The following LDHD variants were observed in gnomAD, a reference collection of about 807,000 sequenced individuals.
The protein encoded by LDHD is lactate dehydrogenase D.
In LDHD, 58 loss-of-function variants were observed where a neutral mutation model predicts 52.9. The observed-to-expected ratio is 1.10, with a 90% CI of 0.89 to 1.36. The LOEUF is 1.36. Among genes scored for constraint, LDHD ranks in the 40% most tolerant of loss-of-function variants. LDHD has a pLI of 0.00. For missense variants in LDHD, 747 were observed against 668.0 expected (o/e 1.12, Z -1.30); for synonymous variants, 350 against 288.6 (o/e 1.21, Z -2.16).
At chr16:75,115,160 G>C (rs771122083) in intron 3 of LDHD, 38 bp downstream of exon 3, 2 of 1,590,198 alleles carry the variant, frequency 1.3e-6, no homozygotes, top group Admixed American at 3.4e-5. Context: ...AGGTGTGCTG[G>C]GACCATCCTC....
chr16:75,115,719 G>A, intron 1 of LDHD, 59 bp from the exon 2 acceptor site: 2 of 1,114,058 alleles, frequency 1.8e-6, no homozygotes, highest in Non-Finnish European at 2.6e-6. Context: ...CCACAGCCCT[G>A]CCCCAGTGTC....
rs992553591 is a variant in LDHD at position 75,112,637 on chromosome 16, C to T, written c.1254G>A (p.Leu418=). Residue 418 remains leucine (L), a synonymous_variant, in exon 10 of 11, where the codon CTG becomes CTA. Coordinates refer to ENST00000450168, the MANE Select transcript of LDHD (RefSeq NM_194436.3). ...LLVNPDDAEE[L]GRVKAFAEQL... The stretch of plus-strand genomic sequence containing the variant: ...GTTCTGCAAAAGCCTTGACCCTGCC[C>T]AGTTCCTCGGCGTCATCAGGGTTGA... The T allele has an allele frequency of 6.2e-6, 10 of 1,614,040 alleles. No individual in the cohort carries two copies. The highest frequency in any genetic ancestry group is 1.6e-4 in the Middle Eastern group (1 of 6,084).
rs747908383 is a variant in LDHD at position 75,113,847 on chromosome 16, C to T, written c.853G>A (p.Asp285Asn). ...AGCTTGCTGTACCTGTTGCAGGCAT[C>T]CATCATGACTTCATCCAGGAACTCT... is the stretch of plus-strand genomic sequence containing the variant. ...RIEFLDEVMM[D>N]ACNRYSKLNC... Residue 285 changes from aspartate to asparagine, a missense_variant, in exon 7 of 11, where the codon GAT (aspartate) becomes AAT (asparagine). By Grantham distance (23) the Asp-to-Asn change is conservative (BLOSUM62 1). Transcript: ENST00000450168. 45 of 1,613,976 alleles carry T rather than the reference C, an allele frequency of 2.8e-5. No individual in the cohort carries two copies. Among genetic ancestry groups the T allele is most frequent in the Non-Finnish European group, 3.6e-5 (42 of 1,180,050 alleles).
chr16:75,113,696 G>A (rs376171901), intron 7 of LDHD, 34 bp from the exon 8 acceptor site: 125 of 1,612,766 alleles, frequency 7.8e-5, no homozygotes, highest in Non-Finnish European at 9.2e-5. Flanking sequence ...ACACCGGGCC[G>A]CCACTGAGGC....
chr16:75,115,645 C>T lies in LDHD; in HGVS notation c.88G>A (p.Asp30Asn), dbSNP rs777650480. Residue 30 changes from aspartate (D) to asparagine (N), a missense_variant, in exon 2 of 11, where the codon GAC (aspartate) becomes AAC (asparagine). Physicochemically the swap from Asp to Asn is conservative, Grantham distance 23. Coordinates refer to ENST00000450168, the MANE Select transcript of LDHD (RefSeq NM_194436.3). ...ACGGCCTTCAGAGCCTCTACGAAGTCCCTGCAGAGCTCTCCCTGCAGGGAA... is the reference window on the plus strand; with the variant it reads ...ACGGCCTTCAGAGCCTCTACGAAGTTCCTGCAGAGCTCTCCCTGCAGGGAA... ...SQKAKGELCRDFVEALKAVVG... is the reference protein window; with the variant it reads ...SQKAKGELCRNFVEALKAVVG... 17 of 1,606,246 alleles carry T rather than the reference C, an allele frequency of 1.1e-5. No individual in the cohort carries two copies. Among genetic ancestry groups the T allele is most frequent in the Non-Finnish European group, 1.4e-5 (17 of 1,175,852 alleles).
intron 1 of LDHD, 87 bp from the exon 2 acceptor site, chr16:75,115,747 C>T: frequency 1.2e-6 from 1 of 820,062 alleles, no homozygotes. Context: ...GGGCTGGGGG[C>T]TGGAGGCTGG....
In LDHD at chr16:75,115,126, G is replaced by A. The variant is rs1597924162; in HGVS notation, c.327+72C>T. 8 of 1,552,924 alleles carry A rather than the reference G, an allele frequency of 5.2e-6. No homozygotes were observed. In the East Asian group the frequency reaches 1.8e-4, roughly 35 times the overall value. ...CAGACCCAAGGTGCCGTGTGTGGCG[G>A]GGGAGGCAGCCACAGGTGTGCCAAG... On this transcript the variant is annotated intron_variant, in intron 3 of 10. Coordinates refer to ENST00000450168, the MANE Select transcript of LDHD (RefSeq NM_194436.3).
chr16:75,114,183 A>G lies in LDHD; in HGVS notation c.630-18T>C. The G allele has an allele frequency of 6.2e-7, 1 of 1,611,060 alleles. No individual in the cohort carries two copies. The highest frequency in any genetic ancestry group is 8.5e-7 in the Non-Finnish European group (1 of 1,179,934). ...CACTCTTCCTACGTCCCAGGGACACACAAGGTGAGTACCAGGCTGTGTGAT... is the reference window on the plus strand; with the variant it reads ...CACTCTTCCTACGTCCCAGGGACACGCAAGGTGAGTACCAGGCTGTGTGAT... On this transcript the variant is annotated intron_variant, in intron 5 of 10. Coordinates refer to ENST00000450168, the MANE Select transcript of LDHD (RefSeq NM_194436.3).
At chr16:75,116,351 G>T (rs2036556732) in intron 1 of LDHD, among the ~76,000 whole-genome samples, 1 of 152,202 alleles carries the variant, frequency 6.6e-6, no homozygotes. Context: ...GCCAAGTTAA[G>T]GACAGAGCCT....
At chr16:75,114,484 T>A in intron 5 of LDHD, 42 bp downstream of exon 5, 1 of 1,456,712 alleles carries the variant, frequency 6.9e-7, no homozygotes, top group South Asian at 1.4e-5. Flanking sequence ...CCGCCAGCAG[T>A]GCCCAGGGCC....
chr16:75,116,741 G>A lies in LDHD; in HGVS notation c.-21C>T. The A allele has an allele frequency of 1.3e-6, 2 of 1,540,670 alleles. No individual in the cohort carries two copies. The highest frequency in any genetic ancestry group is 8.7e-7 in the Non-Finnish European group (1 of 1,143,274). ...GCCATAGCCAGGCACTGGCCAGAGG[G>A]TGTGAGCACTGGGTGGCAGGGTGAC... On this transcript the variant is annotated 5_prime_UTR_variant, in exon 1 of 11. Transcript: ENST00000450168.
rs1360575251 is a variant in LDHD at position 75,112,694 on chromosome 16, C to T, written c.1197G>A (p.Val399=). 4 of 1,614,074 alleles carry T rather than the reference C, an allele frequency of 2.5e-6. No homozygotes were observed. Among genetic ancestry groups the T allele is most frequent in the East Asian group, 2.2e-5 (1 of 44,874 alleles). Reference sequence around the variant, plus strand: ...GGATGCAGTGGAAGTTGCCGTCACCCACATGCCCGACAATGCTTCCTGGGG... The same window carrying T: ...GGATGCAGTGGAAGTTGCCGTCACCTACATGCCCGACAATGCTTCCTGGGG... ...SGLTGSIVGH[V]GDGNFHCILL... The change falls in exon 10 of 11, where the codon GTG becomes GTA. Residue 399 remains valine, a synonymous_variant. Transcript: ENST00000450168.
Position 75,113,095 on chromosome 16 carries a change from C to T in LDHD, c.1087-171G>A, listed in dbSNP as rs74024708. 1.2e-3 allele frequency among the ~76,000 whole-genome samples: 184 copies of T among 152,284 alleles called. 2 individuals are homozygous for T. Among genetic ancestry groups the T allele is most frequent in the African/African-American group, 4.4e-3 (182 of 41,544 alleles). Reference sequence around the variant, plus strand: ...GCCCTCACCTCCCCCCGACACAACACAGGAGACCAATGGCCCAGGTGTGCT... The same window carrying T: ...GCCCTCACCTCCCCCCGACACAACATAGGAGACCAATGGCCCAGGTGTGCT... On this transcript the variant is annotated intron_variant, in intron 8 of 10. Transcript: ENST00000450168.
chr16:75,113,212 T>A (rs923272561), intron 8 of LDHD, among the ~76,000 whole-genome samples: 8 of 152,182 alleles, frequency 5.3e-5, no homozygotes, highest in African/African-American at 1.9e-4. Flanking sequence ...TTCCCCAGGT[T>A]AGGCTAACAT....
chr16:75,112,547 A>G lies in LDHD; in HGVS notation c.1290-26T>C, dbSNP rs1007626572. 3.1e-6 allele frequency: 5 copies of G among 1,613,044 alleles called. No individual in the cohort carries two copies. The South Asian group carries it at 3.3e-5, about 11-fold the overall frequency. On this transcript the variant is annotated intron_variant, in intron 10 of 10. Transcript: ENST00000450168. ...CTGGGGGCAGGAAGGAGACATCCTC[A>G]GGGGGCTCCCTTTCCTCTGCCCTCA...
rs35697608 is a variant in LDHD at position 75,114,681 on chromosome 16, T to C, written c.474A>G (p.Pro158=). ...TGCCACAGAGAGAGGCGTCCGCGCC[T>C]GGGTCTGGAGGGCGGCGTACAGAAG... ...RDSGLWFPVD[P]GADASLCGMA... Residue 158 remains proline, a synonymous_variant, in exon 5 of 11, where the codon CCA becomes CCG. Transcript: ENST00000450168. 1.4e-3 allele frequency: 2,149 copies of C among 1,536,190 alleles called. 27 individuals are homozygous for C. In the African/African-American group the frequency reaches 0.026, roughly 19 times the overall value.
In LDHD at chr16:75,112,519, C is replaced by T. The variant is rs139673012; in HGVS notation, c.1292G>A (p.Arg431Gln). 44 of 1,613,086 alleles carry T rather than the reference C, an allele frequency of 2.7e-5. No individual in the cohort carries two copies. Among genetic ancestry groups the T allele is most frequent in the East Asian group, 2.7e-4 (12 of 44,864 alleles). The change falls in exon 11 of 11, where the codon CGG becomes CAG. Residue 431 changes from arginine to glutamine, a missense_variant and splice_region_variant. Arg to Gln is a conservative substitution (Grantham distance 43, BLOSUM62 1). Transcript: ENST00000450168. ...VKAFAEQLGRRALALHGTCTG... is the reference protein window; with the variant it reads ...VKAFAEQLGRQALALHGTCTG... ...GCACGTTCCGTGGAGAGCCAGTGCC[C>T]GCCTGGGGGCAGGAAGGAGACATCC... is the stretch of plus-strand genomic sequence containing the variant.
At chr16:75,115,738 G>C in intron 1 of LDHD, 78 bp from the exon 2 acceptor site, 1 of 912,032 alleles carries the variant, frequency 1.1e-6, no homozygotes, top group Middle Eastern at 3.4e-4. Flanking sequence ...TCGGGGGGAG[G>C]GCTGGGGGCT....
chr16:75,114,963 G>A lies in LDHD; in HGVS notation c.333C>T (p.Gly111=), dbSNP rs1439815466. 10 of 1,610,224 alleles carry A rather than the reference G, an allele frequency of 6.2e-6. No homozygotes were observed. Among genetic ancestry groups the A allele is most frequent in the African/African-American group, 4.0e-5 (3 of 74,820 alleles). ...CCATATGCGTCAGGTTAACGCAGAC[G>A]CCGCCCTGGTTGGGGCAGGTGCTAA... ...LEGGVCAVQG[G]VCVNLTHMDR... The change falls in exon 4 of 11, where the codon GGC becomes GGT. Residue 111 remains glycine, a synonymous_variant. Coordinates refer to ENST00000450168, the MANE Select transcript of LDHD (RefSeq NM_194436.3).
Sources: gnomAD v4.1 joint callset for allele counts (sites outside exome capture counted in the v4.1 genomes callset) on GRCh38, gnomAD v4.1.1 for gene constraint, MANE v1.5 for transcripts, NCBI Gene and HGNC (gene_info 2026-07-23, HGNC 2026-07-21) for gene names.